The following WDR70 variants were observed in gnomAD, a reference collection of about 807,000 sequenced individuals.
WDR70 encodes the protein WD repeat-containing protein 70.
WDR70 carries 53 observed loss-of-function variants against 88.6 expected under a neutral mutation model. The observed-to-expected ratio is 0.60, with a 90% CI of 0.48 to 0.75. The LOEUF (loss-of-function observed/expected upper bound fraction) is 0.75, where lower values mean the gene tolerates loss of function less well. Among genes scored for constraint, WDR70 ranks in the 30% least tolerant of loss-of-function variants. The pLI, the probability that WDR70 is intolerant of heterozygous loss-of-function variation, is 0.00. For missense variants in WDR70, 610 were observed against 823.2 expected, an observed-to-expected ratio of 0.74 and a Z score of 3.17; for synonymous variants, 280 against 270.0, an observed-to-expected ratio of 1.04 and a Z score of -0.36.
chr5:37,527,487 A>G (rs1403250210), intron 9 of WDR70, among the ~76,000 whole-genome samples: 3 of 152,250 alleles, frequency 2.0e-5, no homozygotes, highest in Non-Finnish European at 2.9e-5. Flanking sequence ...TTAATTCAAG[A>G]TGGATTAAAG....
intron 9 of WDR70, among the ~76,000 whole-genome samples, chr5:37,583,945 A>G (rs1743292909): frequency 6.6e-6 from 1 of 152,214 alleles, no homozygotes; most frequent in Admixed American, 6.5e-5. Flanking sequence ...TTGATAGCAT[A>G]CAAATCCAAA....
chr5:37,586,190 C>T (rs540591039), intron 9 of WDR70, among the ~76,000 whole-genome samples: 2 of 152,094 alleles, frequency 1.3e-5, no homozygotes, highest in African/African-American at 4.8e-5. Flanking sequence ...CCCTTCTGTA[C>T]TTAAATAGCA....
intron 9 of WDR70, among the ~76,000 whole-genome samples, chr5:37,564,596 G>GGAGAGGGAGAGGAGGGA (rs1742681067): frequency 2.7e-5 from 4 of 150,318 alleles, no homozygotes; most frequent in Non-Finnish European, 5.9e-5. Flanking sequence ...GGGAGAGGAG[G>GGAGAGGGAGAGGAGGGA]GAGAGGGAGA....
chr5:37,596,281 G>C (rs1412138460), intron 9 of WDR70, among the ~76,000 whole-genome samples: 1 of 151,998 alleles, frequency 6.6e-6, no homozygotes, highest in East Asian at 1.9e-4. Flanking sequence ...AAGAGCAAGG[G>C]GACAGAACCC....
At chr5:37,727,847 A>G (rs1193569753) in intron 17 of WDR70, among the ~76,000 whole-genome samples, 1 of 152,080 alleles carries the variant, frequency 6.6e-6, no homozygotes, top group Non-Finnish European at 1.5e-5. Flanking sequence ...AAGTGCTCGG[A>G]TTACAGGCAT....
chr5:37,563,455 G>C (rs1371097809), intron 9 of WDR70, among the ~76,000 whole-genome samples: 1 of 57,570 alleles, frequency 1.7e-5, no homozygotes, highest in African/African-American at 5.5e-5. Flanking sequence ...CTTCCCGGAC[G>C]GGGCGGCTGG....
intron 10 of WDR70, among the ~76,000 whole-genome samples, chr5:37,625,338 G>T (rs1044771789): frequency 4.0e-5 from 6 of 151,894 alleles, no homozygotes; most frequent in Non-Finnish European, 8.8e-5. Flanking sequence ...GTCAGCATTT[G>T]TTATTATTTT....
chr5:37,418,104 G>GA (rs1341117411), intron 5 of WDR70, among the ~76,000 whole-genome samples: 2 of 152,150 alleles, frequency 1.3e-5, no homozygotes, highest in South Asian at 2.1e-4. Flanking sequence ...ACAGGATTTT[G>GA]AAAAAATTGA....
At chr5:37,418,652 T>C (rs1361502966) in intron 5 of WDR70, among the ~76,000 whole-genome samples, 4 of 152,372 alleles carry the variant, frequency 2.6e-5, no homozygotes, top group Non-Finnish European at 5.9e-5. Context: ...TTCTTCTATA[T>C]TCATAGAACT....
At chr5:37,630,243 G>A (rs1211602150) in intron 10 of WDR70, among the ~76,000 whole-genome samples, 1 of 152,198 alleles carries the variant, frequency 6.6e-6, no homozygotes, top group Non-Finnish European at 1.5e-5. Context: ...GCACAGGCAT[G>A]CTTGTAGTTG....
At chr5:37,521,718 A>ACC in intron 9 of WDR70, among the ~76,000 whole-genome samples, 1 of 151,744 alleles carries the variant, frequency 6.6e-6, no homozygotes, top group South Asian at 2.1e-4. Context: ...ACACACACAC[A>ACC]CACACACACA....
intron 17 of WDR70, among the ~76,000 whole-genome samples, chr5:37,735,196 T>C (rs1399619300): frequency 1.3e-5 from 2 of 152,132 alleles, no homozygotes; most frequent in Admixed American, 1.3e-4. Context: ...TCTTGGACAG[T>C]CATTCATTCA....
chr5:37,689,830 G>C (rs1014128921), intron 10 of WDR70, among the ~76,000 whole-genome samples: 2 of 152,366 alleles, frequency 1.3e-5, no homozygotes, highest in Admixed American at 1.3e-4. Context: ...CTCCTCGCCA[G>C]CAATGGAACA....
chr5:37,670,605 G>T (rs1293087516), intron 10 of WDR70, among the ~76,000 whole-genome samples: 1 of 152,182 alleles, frequency 6.6e-6, no homozygotes. Context: ...ACAGGCATAG[G>T]AAGATTAGCC....
At position 37,702,952 on chromosome 5, in the gene WDR70, T is replaced by C; in HGVS notation, c.1281T>C (p.Thr427=). The C allele has an allele frequency of 6.2e-7, 1 of 1,606,912 alleles. No homozygotes were observed. Among genetic ancestry groups the C allele is most frequent in the Non-Finnish European group, 8.5e-7 (1 of 1,173,876 alleles). The change falls in exon 13 of 18, where the codon ACT becomes ACC. Residue 427 remains threonine (T), a synonymous_variant. Transcript: ENST00000265107. ...CGTAAACTCTTTTTTTCTGTAGGAC[T>C]GACTGCTGTTTCAGTCCAGATGATA... ...ASGLPTMFPM[T]DCCFSPDDKL...
chr5:37,401,509 G>C (rs1242433700), intron 5 of WDR70, among the ~76,000 whole-genome samples: 1 of 151,858 alleles, frequency 6.6e-6, no homozygotes, highest in Non-Finnish European at 1.5e-5. Context: ...TAGAGACGGA[G>C]TTTCACCATG....
At chr5:37,534,824 A>G (rs935978151) in intron 9 of WDR70, among the ~76,000 whole-genome samples, 2 of 152,178 alleles carry the variant, frequency 1.3e-5, no homozygotes, top group Non-Finnish European at 2.9e-5. Flanking sequence ...AGGATCAGGA[A>G]TCTTTAATTG....
At position 37,383,081 on chromosome 5, in the gene WDR70, GATAAA is replaced by G. The variant is rs891635135; in HGVS notation, c.175+1405_175+1409del. Among the ~76,000 whole-genome samples the G allele has an allele frequency of 4.2e-4, 64 of 151,626 alleles. 1 individual carries two copies. Among genetic ancestry groups the G allele is most frequent in the South Asian group, 4.2e-4 (2 of 4,814 alleles). ...AAAACTCCATCTTAAAATAAAATAA[GATAAA>G]ATAAAATATAAAATATAAAACAAAA... On this transcript the variant is annotated intron_variant, in intron 3 of 17. Transcript: ENST00000265107.
rs543780735 is a variant in WDR70 at position 37,486,077 on chromosome 5, G to GTGA, written c.840+6091_840+6093dup. 8.1e-3 allele frequency among the ~76,000 whole-genome samples: 1,238 copies of GTGA among 152,038 alleles called. 15 individuals are homozygous for GTGA. The highest frequency in any genetic ancestry group is 0.011 in the Non-Finnish European group (769 of 67,988). On this transcript the variant is annotated intron_variant, in intron 8 of 17. Transcript: ENST00000265107. ...TAGGTGTTGGTAAGTTTACAAAAAT[G>GTGA]TGACCAGTAGCTTGCTGAAACCTAA...
Sources: gnomAD v4.1 joint callset for allele counts (sites outside exome capture counted in the v4.1 genomes callset) on GRCh38, gnomAD v4.1.1 for gene constraint, MANE v1.5 for transcripts, NCBI Gene and HGNC (gene_info 2026-07-23, HGNC 2026-07-21) for gene names.